Variants in KDM5A observed in about 807,000 individuals in gnomAD.
KDM5A encodes the protein lysine demethylase 5A.
In KDM5A, 42 loss-of-function variants were observed where a neutral mutation model predicts 193.5. The observed-to-expected ratio is 0.22, with a 90% CI of 0.17 to 0.28. The LOEUF is 0.28. KDM5A is among the 10% of genes least tolerant of loss of function. The pLI, the probability that KDM5A is intolerant of heterozygous loss-of-function variation, is 1.00. For synonymous variants in KDM5A, 796 were observed against 718.1 expected, an observed-to-expected ratio of 1.11 and a Z score of -1.73; for missense variants, 1,692 against 2,055.1, an observed-to-expected ratio of 0.82 and a Z score of 3.42.
In KDM5A at chr12:331,840, C is replaced by T. The variant is rs775496700; in HGVS notation, c.1752G>A (p.Val584=). ...AGACCCAGTCAGCAGTACAGAAGTT[C>T]ACAGCTTCAGCAAAGTTGTAGCCCT... The part of the protein sequence containing the change: ...FNQGYNFAEA[V]NFCTADWLPI... The change falls in exon 13 of 28, where the codon GTG becomes GTA. Residue 584 remains valine (V), a synonymous_variant. Coordinates refer to ENST00000399788, the MANE Select transcript of KDM5A (RefSeq NM_001042603.3). The T allele has an allele frequency of 1.4e-5, 22 of 1,613,938 alleles. No homozygotes were observed. Among genetic ancestry groups the T allele is most frequent in the Non-Finnish European group, 1.8e-5 (21 of 1,179,946 alleles).
chr12:352,482 C>T (rs1056864623), intron 8 of KDM5A, among the ~76,000 whole-genome samples, 158 bp from the exon 9 acceptor site: 2 of 152,180 alleles, frequency 1.3e-5, no homozygotes, highest in African/African-American at 4.8e-5. Context: ...AATACCGTAT[C>T]AGGAAGTTAT....
At chr12:289,622 G>T (rs1550864) in intron 27 of KDM5A, among the ~76,000 whole-genome samples, 6,001 of 151,350 alleles carry the variant, frequency 0.04, 380 homozygotes, top group African/African-American at 0.13. Context: ...AGCTGTGGCA[G>T]GAGGACTGCT....
chr12:304,669 G>A (rs151069657), intron 24 of KDM5A, among the ~76,000 whole-genome samples: 1 of 152,098 alleles, frequency 6.6e-6, no homozygotes, highest in Non-Finnish European at 1.5e-5. Flanking sequence ...GAGACAGTAA[G>A]CTAAGATTCT....
At position 281,579 on chromosome 12, in the gene KDM5A, C is replaced by T. The variant is rs1433181060; in HGVS notation, c.*3877G>A. ...TTCAAAAGGAGTACTTAAGGACCTG[C>T]TATAAAAGCAACCTTCTACACACAT... On this transcript the variant is annotated 3_prime_UTR_variant, in exon 28 of 28. Transcript: ENST00000399788. The T allele has an allele frequency of 4.3e-6, 1 of 233,062 alleles. No individual in the cohort carries two copies. The highest frequency in any genetic ancestry group is 5.6e-5 in the Admixed American group (1 of 17,776). The allele number at this position is 233,062 out of a possible 1,614,324, so 14.4% of individuals were successfully genotyped here. A position where few individuals can be genotyped will look rare whatever the true frequency, so the allele number is the denominator to read the frequency against.
At chr12:341,028 T>C (rs1364736946) in intron 10 of KDM5A, among the ~76,000 whole-genome samples, 4 of 152,250 alleles carry the variant, frequency 2.6e-5, no homozygotes, top group Non-Finnish European at 5.9e-5. Flanking sequence ...AGGATTACTA[T>C]TTACATTCTT....
chr12:311,947 T>C (rs893268302), intron 20 of KDM5A, among the ~76,000 whole-genome samples: 9 of 152,152 alleles, frequency 5.9e-5, no homozygotes, highest in Admixed American at 2.0e-4. Context: ...GGCAGGAGAA[T>C]TGCTTGAACC....
chr12:327,504 G>A (rs1387325424), intron 14 of KDM5A, among the ~76,000 whole-genome samples: 6 of 152,182 alleles, frequency 3.9e-5, no homozygotes, highest in Non-Finnish European at 7.3e-5. Flanking sequence ...GAGGTCAGGA[G>A]CTTGAGACCA....
chr12:371,579 T>C (rs1274563478), intron 3 of KDM5A, among the ~76,000 whole-genome samples: 4 of 152,234 alleles, frequency 2.6e-5, no homozygotes, highest in African/African-American at 9.6e-5. Flanking sequence ...GATGGTAGTT[T>C]CTTTTGTTGT....
chr12:295,415 C>T (rs1358346218), intron 26 of KDM5A, among the ~76,000 whole-genome samples, 158 bp downstream of exon 26: 23 of 152,016 alleles, frequency 1.5e-4, no homozygotes, highest in Admixed American at 1.4e-3. Context: ...GGCAGGCAAG[C>T]CAGCAAGCCA....
intron 10 of KDM5A, among the ~76,000 whole-genome samples, chr12:340,581 G>C (rs551042651): frequency 1.1e-3 from 164 of 150,264 alleles, no homozygotes; most frequent in African/African-American, 3.8e-3. Context: ...TGTAATCCCA[G>C]CTACTAGGGA....
At position 309,858 on chromosome 12, in the gene KDM5A, T is replaced by C. The variant is rs756724656; in HGVS notation, c.3323A>G (p.Glu1108Gly). The change falls in exon 22 of 28, where the codon GAG becomes GGG. Residue 1108 changes from glutamate (E) to glycine (G), a missense_variant. Glu to Gly is a moderately conservative substitution (Grantham distance 98). Coordinates refer to ENST00000399788, the MANE Select transcript of KDM5A (RefSeq NM_001042603.3). ...EKEKEKDLDL[E>G]PLSDLEEGLE... is the part of the protein sequence containing the mutation. ...TCCTTCCTCCAGATCACTCAGAGGC[T>C]CCAGGTCCAGATCCTTTTCTTTTTC... 20 of 1,613,998 alleles carry C rather than the reference T, an allele frequency of 1.2e-5. No individual in the cohort carries two copies. Among genetic ancestry groups the C allele is most frequent in the Non-Finnish European group, 1.7e-5 (20 of 1,180,008 alleles).
intron 5 of KDM5A, among the ~76,000 whole-genome samples, chr12:362,542 A>G (rs1256635774): frequency 6.6e-6 from 1 of 152,252 alleles, no homozygotes; most frequent in Non-Finnish European, 1.5e-5. Context: ...AAAATGCACT[A>G]GAATTCACCA....
At chr12:317,677 G>A (rs1446605764) in intron 19 of KDM5A, among the ~76,000 whole-genome samples, 1 of 152,206 alleles carries the variant, frequency 6.6e-6, no homozygotes, top group Non-Finnish European at 1.5e-5. Flanking sequence ...AAAACCAGTT[G>A]TCGGAGCCAG....
chr12:353,392 A>G (rs992920359), intron 8 of KDM5A, among the ~76,000 whole-genome samples: 3 of 152,182 alleles, frequency 2.0e-5, no homozygotes, highest in African/African-American at 7.2e-5. Context: ...AATAGCATGA[A>G]ATTGGATGCA....
rs115261414 is a variant in KDM5A at position 378,149 on chromosome 12, G to A, written c.366+5882C>T. ...CTGAGAAATGAAGAAACAGCAATAT[G>A]AGCATATTACTTGGAAATATGAAGA... On this transcript the variant is annotated intron_variant, in intron 3 of 27. Transcript: ENST00000399788. Among the ~76,000 whole-genome samples, 1,179 of 152,240 alleles carry A rather than the reference G, an allele frequency of 7.7e-3. 11 individuals are homozygous for A. The highest frequency in any genetic ancestry group is 0.026 in the African/African-American group (1,088 of 41,518).
chr12:360,709 C>T (rs1944283420), intron 5 of KDM5A, among the ~76,000 whole-genome samples: 1 of 152,088 alleles, frequency 6.6e-6, no homozygotes, highest in Non-Finnish European at 1.5e-5. Context: ...ACAATAAAGA[C>T]TATTTGTCAA....
At position 283,186 on chromosome 12, in the gene KDM5A, T is replaced by C. The variant is rs552655605; in HGVS notation, c.*2270A>G. Reference sequence around the variant, plus strand: ...ATTCCAGGCATCTGTCACTTAAAATTACATTCAATTTTTAACCCACAAATA... The same window carrying C: ...ATTCCAGGCATCTGTCACTTAAAATCACATTCAATTTTTAACCCACAAATA... On this transcript the variant is annotated 3_prime_UTR_variant, in exon 28 of 28. Coordinates refer to ENST00000399788, the MANE Select transcript of KDM5A (RefSeq NM_001042603.3). 2.6e-5 allele frequency: 6 copies of C among 231,256 alleles called. No homozygotes were observed. In the East Asian group the frequency reaches 3.1e-4, roughly 12 times the overall value. The allele number at this position is 231,256 out of a possible 1,614,324, so 14.3% of individuals were successfully genotyped here.
At chr12:352,550 G>A (rs1245123794) in intron 8 of KDM5A, among the ~76,000 whole-genome samples, 1 of 152,198 alleles carries the variant, frequency 6.6e-6, no homozygotes, top group Non-Finnish European at 1.5e-5. Flanking sequence ...GTACTAAGAT[G>A]GCTTTAGATC....
intron 1 of KDM5A, 123 bp downstream of exon 1, chr12:388,804 C>G (rs1944683306): frequency 8.2e-7 from 1 of 1,214,488 alleles, no homozygotes; most frequent in Non-Finnish European, 1.2e-6. Flanking sequence ...CAGAAACAGG[C>G]TCCAGTTGTC....
Sources: gnomAD v4.1 joint callset for allele counts (sites outside exome capture counted in the v4.1 genomes callset) on GRCh38, gnomAD v4.1.1 for gene constraint, MANE v1.5 for transcripts, NCBI Gene and HGNC (gene_info 2026-07-23, HGNC 2026-07-21) for gene names.